CHRDL2: variants seen among roughly 807,000 people sequenced by gnomAD.
The protein encoded by CHRDL2 is chordin like 2.
A neutral mutation model predicts 54.3 loss-of-function variants in CHRDL2; 41 were observed. The observed-to-expected ratio is 0.76, with a 90% confidence interval of 0.59 to 0.98. The LOEUF (loss-of-function observed/expected upper bound fraction) is 0.98. CHRDL2 is among the 50% of genes least tolerant of loss of function. CHRDL2 has a pLI of 0.00. For synonymous variants in CHRDL2, 220 were observed against 224.3 expected, an observed-to-expected ratio of 0.98 and a Z score of 0.17; for missense variants, 518 against 562.4, an observed-to-expected ratio of 0.92 and a Z score of 0.80.
Position 74,717,825 on chromosome 11 carries a change from C to T in CHRDL2, c.195+895G>A, listed in dbSNP as rs2034403267. Among the ~76,000 whole-genome samples the T allele has an allele frequency of 2.0e-5, 3 of 152,244 alleles. No homozygotes were observed. In the South Asian group the frequency reaches 6.2e-4, roughly 32 times the overall value. The stretch of plus-strand genomic sequence containing the variant: ...AGCTACCCCTCCCTCCAAGCACCAA[C>T]ACCCAGACAAAGAAAGCTGGGGACA... On this transcript the variant is annotated intron_variant, in intron 2 of 10. Coordinates refer to ENST00000376332, the MANE Select transcript of CHRDL2 (RefSeq NM_001278473.3).
At chr11:74,709,527 A>G (rs1343672822) in intron 4 of CHRDL2, among the ~76,000 whole-genome samples, 1 of 152,218 alleles carries the variant, frequency 6.6e-6, no homozygotes, top group African/African-American at 2.4e-5. Context: ...AACAGACTAG[A>G]CCACTGCAAA....
chr11:74,721,641 G>T (rs188396930), intron 1 of CHRDL2, among the ~76,000 whole-genome samples: 1 of 152,278 alleles, frequency 6.6e-6, no homozygotes, highest in Non-Finnish European at 1.5e-5. Flanking sequence ...ACTGCCAGAC[G>T]GCGACAGGCC....
At chr11:74,717,973 T>A (rs1565156974) in intron 2 of CHRDL2, among the ~76,000 whole-genome samples, 1 of 151,936 alleles carries the variant, frequency 6.6e-6, no homozygotes, top group Non-Finnish European at 1.5e-5. Flanking sequence ...CACATGGGGG[T>A]CTCATTTATT....
chr11:74,703,221 G>T, intron 8 of CHRDL2, 84 bp downstream of exon 8: 1 of 1,455,200 alleles, frequency 6.9e-7, no homozygotes, highest in Non-Finnish European at 9.2e-7. Flanking sequence ...TGTCTGAGAT[G>T]CTCCAAGTGT....
chr11:74,721,945 C>T (rs760461585), intron 1 of CHRDL2, among the ~76,000 whole-genome samples: 1 of 152,330 alleles, frequency 6.6e-6, no homozygotes, highest in South Asian at 2.1e-4. Flanking sequence ...CCTGTCTTTC[C>T]TTAGAACACA....
intron 4 of CHRDL2, among the ~76,000 whole-genome samples, chr11:74,709,370 T>A (rs1468631062): frequency 6.6e-6 from 1 of 152,206 alleles, no homozygotes. Flanking sequence ...TCTGGCTCTG[T>A]CACTTACTAG....
intron 9 of CHRDL2, among the ~76,000 whole-genome samples, chr11:74,700,542 T>G (rs1384855336): frequency 6.6e-6 from 1 of 152,022 alleles, no homozygotes; most frequent in African/African-American, 2.4e-5. Flanking sequence ...GTCCCGGCAC[T>G]TAGTTGGGGG....
intron 5 of CHRDL2, 87 bp downstream of exon 5, chr11:74,708,215 G>T: frequency 1.1e-6 from 1 of 904,440 alleles, no homozygotes; most frequent in South Asian, 1.9e-5. Flanking sequence ...GGTGTCACCT[G>T]CAGTTCCTCA....
intron 1 of CHRDL2, among the ~76,000 whole-genome samples, chr11:74,728,751 TTAACTC>T (rs1227827264): frequency 6.6e-6 from 1 of 152,192 alleles, no homozygotes; most frequent in Non-Finnish European, 1.5e-5. Flanking sequence ...GGGCTTCAAT[TTAACTC>T]TAAGTATAGG....
chr11:74,722,131 T>C (rs920666136), intron 1 of CHRDL2, among the ~76,000 whole-genome samples: 2 of 152,184 alleles, frequency 1.3e-5, no homozygotes, highest in African/African-American at 4.8e-5. Flanking sequence ...GTGTGTCACC[T>C]GAGTGTGAAG....
Position 74,710,875 on chromosome 11 carries a change from TG to T in CHRDL2, c.405del (p.Asn136ThrfsTer59). On this transcript the variant is annotated frameshift_variant, in exon 4 of 11. Transcript: ENST00000376332. LOFTEE classifies it high-confidence loss of function. ...GTGCAGCTGCAGAGGACACACTGGT[TG>T]GGCAGGCGGGAGGGGAACAGCTCAT... ...SAHELFPSRLPNQCVLCSCTE... is the reference protein window; with the variant it reads ...SAHELFPSRLXNQCVLCSCTE... The T allele has an allele frequency of 6.2e-7, 1 of 1,614,098 alleles. No individual in the cohort carries two copies. The highest frequency in any genetic ancestry group is 8.5e-7 in the Non-Finnish European group (1 of 1,180,004).
At chr11:74,696,748 G>A (rs775489964) in intron 10 of CHRDL2, among the ~76,000 whole-genome samples, 163 bp from the exon 11 acceptor site, 44 of 152,320 alleles carry the variant, frequency 2.9e-4, no homozygotes, top group Non-Finnish European at 5.0e-4. Flanking sequence ...CACACTGGGT[G>A]TGATGGGGCA....
At chr11:74,718,868 G>A in intron 1 of CHRDL2, 36 bp from the exon 2 acceptor site, 1 of 1,342,764 alleles carries the variant, frequency 7.4e-7, no homozygotes. Context: ...AGTCCCAGGA[G>A]GCTCCAGCCC....
In CHRDL2 at chr11:74,730,810, C is replaced by T; in HGVS notation, c.79G>A (p.Ala27Thr). The change falls in exon 1 of 11, where the codon GCC becomes ACC. Residue 27 changes from alanine to threonine, a missense_variant. Ala to Thr is a moderately conservative substitution (Grantham distance 58, BLOSUM62 0). Transcript: ENST00000376332. ...CCCAGCCTCCCGGTCTACTTACGGG[C>T]TCGAGCGTGGGAGTCCAGGGGGAAC... ...LWFPLDSHARARPDMFCLFHG... is the reference protein window; with the variant it reads ...LWFPLDSHARTRPDMFCLFHG... 2 of 1,610,602 alleles carry T rather than the reference C, an allele frequency of 1.2e-6. No individual in the cohort carries two copies. The highest frequency in any genetic ancestry group is 1.7e-6 in the Non-Finnish European group (2 of 1,178,816).
At chr11:74,717,535 C>T (rs968305) in intron 2 of CHRDL2, among the ~76,000 whole-genome samples, 52,941 of 151,824 alleles carry the variant, frequency 0.35, 10,094 homozygotes, top group East Asian at 0.54. Context: ...GGGTTGTGTC[C>T]CCATTTCTAC....
chr11:74,717,184 C>T (rs530573473), intron 2 of CHRDL2, among the ~76,000 whole-genome samples: 3 of 151,990 alleles, frequency 2.0e-5, no homozygotes, highest in Non-Finnish European at 4.4e-5. Flanking sequence ...TGTTAGGAGG[C>T]TTGTGTGGCA....
In CHRDL2 at chr11:74,718,655, G is replaced by A. The variant is rs146868594; in HGVS notation, c.195+65C>T. The A allele has an allele frequency of 1.8e-4, 199 of 1,109,520 alleles. No individual in the cohort carries two copies. The African/African-American group carries it at 2.3e-3, about 13-fold the overall frequency. The allele number at this position is 1,109,520 out of a possible 1,614,324, so 68.7% of individuals were successfully genotyped here. Reference sequence around the variant, plus strand: ...TAGAAGGCCTGGTCCTCCTTCTGGGGTGACTTCTCTGGAGGGTTCTCAGAC... The same window carrying A: ...TAGAAGGCCTGGTCCTCCTTCTGGGATGACTTCTCTGGAGGGTTCTCAGAC... On this transcript the variant is annotated intron_variant, in intron 2 of 10. Transcript: ENST00000376332.
intron 9 of CHRDL2, chr11:74,701,311 CAG>C: frequency 2.7e-6 from 1 of 366,148 alleles, no homozygotes; most frequent in East Asian, 4.1e-5. Context: ...TAAGATATAG[CAG>C]AGTCTGGATT....
chr11:74,703,218 G>C (rs1361164576), intron 8 of CHRDL2, 87 bp downstream of exon 8: 1 of 1,450,158 alleles, frequency 6.9e-7, no homozygotes, highest in African/African-American at 1.4e-5. Flanking sequence ...CCATGTCTGA[G>C]ATGCTCCAAG....
Sources: allele counts gnomAD v4.1 joint callset (sites outside exome capture counted in the v4.1 genomes callset), GRCh38; gene constraint gnomAD v4.1.1; transcripts MANE v1.5; gene names NCBI Gene and HGNC (gene_info 2026-07-23, HGNC 2026-07-21).